The following DUS2 variants were observed in gnomAD, a reference collection of about 807,000 sequenced individuals.
DUS2 encodes dihydrouridine synthase 2.
DUS2 carries 52 observed loss-of-function variants against 71.3 expected under a neutral mutation model. The ratio of observed to expected loss-of-function variants is 0.73; its 90% CI spans 0.58 to 0.92. The LOEUF is 0.92. Among genes scored for constraint, DUS2 ranks in the 40% least tolerant of loss-of-function variants. The pLI is 0.00. For synonymous variants in DUS2, 204 were observed against 227.8 expected, an observed-to-expected ratio of 0.90 and a Z score of 0.94; for missense variants, 558 against 622.6, an observed-to-expected ratio of 0.90 and a Z score of 1.10.
chr16:68,054,749 A>T (rs988006671), intron 6 of DUS2, 132 bp downstream of exon 6: 22 of 1,135,538 alleles, frequency 1.9e-5, no homozygotes, highest in Non-Finnish European at 2.6e-5. Flanking sequence ...CCAGGTTAAG[A>T]GTGCCTGGTT....
At position 68,057,263 on chromosome 16, in the gene DUS2, A is replaced by AAAG. The variant is rs1567477620; in HGVS notation, c.369+840_369+841insAGA. On this transcript the variant is annotated intron_variant, in intron 7 of 16. Transcript: ENST00000565263. ...ATATATATATAGAGAGAGAGAGAGA[A>AAAG]AGAGAGAGAGAGAGAGAACTCATGC... Among the ~76,000 whole-genome samples, 833 of 144,202 alleles carry AAAG rather than the reference A, an allele frequency of 5.8e-3. 10 individuals carry two copies. Among genetic ancestry groups the AAAG allele is most frequent in the African/African-American group, 0.02 (786 of 39,106 alleles). The allele number at this position is 144,202 out of a possible 152,430, so 94.6% of individuals were successfully genotyped here. A position where few individuals can be genotyped will look rare whatever the true frequency, so the allele number is the denominator to read the frequency against.
At chr16:68,043,883 T>C (rs749057126) in intron 3 of DUS2, among the ~76,000 whole-genome samples, 3 of 152,152 alleles carry the variant, frequency 2.0e-5, no homozygotes, top group Non-Finnish European at 2.9e-5. Context: ...CGGGCTTGTA[T>C]TGAACTCCTG....
intron 7 of DUS2, 67 bp downstream of exon 7, chr16:68,056,491 T>A: frequency 1.5e-6 from 2 of 1,296,808 alleles, no homozygotes; most frequent in Non-Finnish European, 2.2e-6. Context: ...AAGACATAAC[T>A]AAGTATAGTA....
chr16:68,075,554 G>A (rs1233711074), intron 14 of DUS2, 50 bp downstream of exon 14: 2 of 1,559,626 alleles, frequency 1.3e-6, no homozygotes, highest in East Asian at 2.3e-5. Context: ...CACCCTTGGG[G>A]TCCCACTGGG....
At chr16:68,037,460 C>T (rs527340707) in intron 2 of DUS2, among the ~76,000 whole-genome samples, 1 of 150,656 alleles carries the variant, frequency 6.6e-6, no homozygotes, top group Admixed American at 6.7e-5. Flanking sequence ...TCTTGTTGCC[C>T]AGGCGGGGGT....
intron 15 of DUS2, chr16:68,077,884 C>G (rs2034180221): frequency 6.3e-6 from 1 of 159,670 alleles, no homozygotes; most frequent in African/African-American, 2.4e-5. Flanking sequence ...GGGGTTGTGT[C>G]TGTGTCCCCA....
intron 3 of DUS2, among the ~76,000 whole-genome samples, chr16:68,043,538 T>G (rs2033661115): frequency 6.6e-6 from 1 of 152,150 alleles, no homozygotes; most frequent in Admixed American, 6.6e-5. Flanking sequence ...TTTCTCTGAT[T>G]AGTGATGATT....
chr16:68,057,547 A>G (rs889915824), intron 7 of DUS2, among the ~76,000 whole-genome samples: 2 of 151,950 alleles, frequency 1.3e-5, no homozygotes, highest in African/African-American at 4.8e-5. Flanking sequence ...AGTCTGGGCA[A>G]CAGAGTGAAA....
At chr16:68,058,795 A>C (rs1342564715) in intron 7 of DUS2, among the ~76,000 whole-genome samples, 2 of 152,306 alleles carry the variant, frequency 1.3e-5, no homozygotes, top group Non-Finnish European at 2.9e-5. Context: ...TACTGAAAAT[A>C]ATTAACTGGC....
intron 3 of DUS2, among the ~76,000 whole-genome samples, chr16:68,044,195 A>G (rs2033669867): frequency 6.6e-6 from 1 of 151,744 alleles, no homozygotes; most frequent in African/African-American, 2.4e-5. Flanking sequence ...CTCTTTCAAG[A>G]TTGTTTTGTG....
intron 2 of DUS2, among the ~76,000 whole-genome samples, chr16:68,025,884 A>G (rs1281492748): frequency 6.6e-6 from 1 of 152,252 alleles, no homozygotes; most frequent in East Asian, 1.9e-4. Context: ...CATTCATTCA[A>G]TCATTCATTC....
At chr16:68,042,874 A>G (rs1278582053) in intron 3 of DUS2, among the ~76,000 whole-genome samples, 1 of 151,766 alleles carries the variant, frequency 6.6e-6, no homozygotes, top group Non-Finnish European at 1.5e-5. Flanking sequence ...ACACCTGGCT[A>G]ATTTTTGTAT....
At chr16:68,048,262 C>T (rs561371536) in intron 3 of DUS2, among the ~76,000 whole-genome samples, 6 of 152,166 alleles carry the variant, frequency 3.9e-5, no homozygotes, top group Non-Finnish European at 7.3e-5. Flanking sequence ...TGATGTGGTA[C>T]GTGTCTTACT....
At chr16:68,078,612 A>C in intron 16 of DUS2, 94 bp downstream of exon 16, 1 of 1,519,248 alleles carries the variant, frequency 6.6e-7, no homozygotes, top group Non-Finnish European at 9.1e-7. Flanking sequence ...AGGGTTGGGT[A>C]GATGGTATAT....
intron 2 of DUS2, among the ~76,000 whole-genome samples, chr16:68,033,350 A>G (rs942061518): frequency 5.9e-5 from 9 of 152,098 alleles, no homozygotes; most frequent in African/African-American, 2.2e-4. Flanking sequence ...AAGAATGAGT[A>G]ATTGGGAGAC....
intron 3 of DUS2, among the ~76,000 whole-genome samples, chr16:68,040,664 A>G (rs1274557238): frequency 6.6e-6 from 1 of 152,152 alleles, no homozygotes; most frequent in African/African-American, 2.4e-5. Flanking sequence ...TCTGCCACCT[A>G]TGGAGAGCAG....
chr16:68,046,501 C>T (rs1189811282), intron 3 of DUS2, among the ~76,000 whole-genome samples: 1 of 152,138 alleles, frequency 6.6e-6, no homozygotes, highest in Non-Finnish European at 1.5e-5. Context: ...GTCTCAGCCT[C>T]CCCAGTAGCT....
intron 6 of DUS2, among the ~76,000 whole-genome samples, chr16:68,055,639 A>G (rs2033841369): frequency 6.6e-6 from 1 of 151,976 alleles, no homozygotes; most frequent in African/African-American, 2.4e-5. Flanking sequence ...TGGCATAGGG[A>G]AGGGTAAATG....
intron 3 of DUS2, among the ~76,000 whole-genome samples, chr16:68,042,321 A>G (rs2033636846): frequency 6.6e-6 from 1 of 152,204 alleles, no homozygotes; most frequent in African/African-American, 2.4e-5. Context: ...GCTGCTGTGA[A>G]CATGGGCGTG....
Sources: allele counts gnomAD v4.1 joint callset (sites outside exome capture counted in the v4.1 genomes callset), GRCh38; gene constraint gnomAD v4.1.1; transcripts MANE v1.5; gene names NCBI Gene and HGNC (gene_info 2026-07-23, HGNC 2026-07-21).